EXPH5: variants seen among roughly 807,000 people sequenced by gnomAD.
The protein encoded by EXPH5 is exophilin 5, also known as exophilin-5.
Under a neutral mutation model 41.1 loss-of-function variants are expected in EXPH5, and 42 were observed. That is an observed-to-expected ratio of 1.02 (90% confidence interval 0.80 to 1.32). EXPH5 has a LOEUF of 1.32. EXPH5 is among the 40% of genes most tolerant of loss of function. The pLI is 0.00. For synonymous variants in EXPH5, 798 were observed against 833.5 expected (o/e 0.96, Z 0.73); for missense variants, 2,298 against 2,314.5 (o/e 0.99, Z 0.15).
intron 1 of EXPH5, among the ~76,000 whole-genome samples, chr11:108,580,109 A>G (rs1471407417): frequency 6.6e-6 from 1 of 152,226 alleles, no homozygotes; most frequent in East Asian, 1.9e-4. Context: ...ACAGAGTGAA[A>G]AGATAACCTG....
intron 1 of EXPH5, among the ~76,000 whole-genome samples, chr11:108,570,569 A>G (rs558285236): frequency 6.6e-6 from 1 of 152,196 alleles, no homozygotes; most frequent in African/African-American, 2.4e-5. Context: ...TTTAAGAGAT[A>G]AGATCTCACT....
At chr11:108,583,678 A>C (rs929393415) in intron 1 of EXPH5, among the ~76,000 whole-genome samples, 2 of 151,506 alleles carry the variant, frequency 1.3e-5, no homozygotes, top group African/African-American at 4.9e-5. Flanking sequence ...TTAACAAAAA[A>C]ATAAAAATAA....
chr11:108,594,607 C>T (rs988114596), upstream of EXPH5, among the ~76,000 whole-genome samples: 2 of 151,950 alleles, frequency 1.3e-5, no homozygotes, highest in African/African-American at 4.8e-5. Context: ...ATTATCAAGG[C>T]TTTTACAGAA....
At chr11:108,559,006 C>A (rs1018819316) in intron 1 of EXPH5, among the ~76,000 whole-genome samples, 4 of 152,142 alleles carry the variant, frequency 2.6e-5, no homozygotes, top group Admixed American at 6.5e-5. Flanking sequence ...CTAGCTCAGA[C>A]CCCCCTCACC....
rs1291956618 is a variant in EXPH5 at position 108,511,111 on chromosome 11, C to T, written c.4396G>A (p.Asp1466Asn). 1.1e-5 allele frequency: 17 copies of T among 1,613,912 alleles called. No homozygotes were observed. Among genetic ancestry groups the T allele is most frequent in the Non-Finnish European group, 1.4e-5 (17 of 1,179,952 alleles). Reference sequence around the variant, plus strand: ...TCACCTACAGCTGTGGATGTGTGATCTTTCTGGGGACACTTGCCACTTCCA... The same window carrying T: ...TCACCTACAGCTGTGGATGTGTGATTTTTCTGGGGACACTTGCCACTTCCA... ...FTGSGKCPQK[D>N]HTSTAVGDGS... is the part of the protein sequence containing the mutation. Residue 1466 changes from aspartate to asparagine, a missense_variant, in exon 6 of 6, where the codon GAT (aspartate) becomes AAT (asparagine). Transcript: ENST00000265843.
intron 1 of EXPH5, among the ~76,000 whole-genome samples, chr11:108,542,783 A>T (rs1172073269): frequency 6.6e-6 from 1 of 152,098 alleles, no homozygotes; most frequent in African/African-American, 2.4e-5. Flanking sequence ...CAGTGGTGTA[A>T]TCTTGGCTCA....
chr11:108,588,994 T>C (rs2094121093), intron 1 of EXPH5, among the ~76,000 whole-genome samples: 1 of 152,196 alleles, frequency 6.6e-6, no homozygotes, highest in South Asian at 2.1e-4. Context: ...GGTGTGTTAA[T>C]CTGGTACTTT....
At chr11:108,524,447 GC>G (rs2093785324) in intron 4 of EXPH5, among the ~76,000 whole-genome samples, 1 of 152,162 alleles carries the variant, frequency 6.6e-6, no homozygotes, top group African/African-American at 2.4e-5. Flanking sequence ...GATGCTGGTA[GC>G]CAAATGAGGT....
At chr11:108,594,909 T>A (rs2094136499), upstream of EXPH5, among the ~76,000 whole-genome samples, 1 of 152,252 alleles carries the variant, frequency 6.6e-6, no homozygotes, top group South Asian at 2.1e-4. Flanking sequence ...TTCAGATAAC[T>A]TTCTGTGGGT....
Position 108,512,403 on chromosome 11 carries a change from T to G in EXPH5, c.3104A>C (p.Gln1035Pro), listed in dbSNP as rs200473696. 4.2e-5 allele frequency: 68 copies of G among 1,610,062 alleles called. No homozygotes were observed. Among genetic ancestry groups the G allele is most frequent in the Non-Finnish European group, 5.3e-5 (62 of 1,178,694 alleles). Reference protein sequence around the residue: ...KSSSFLIHGRQSGSKIMAASL... With the variant: ...KSSSFLIHGRPSGSKIMAASL... ...AGCAGCCATTATTTTACTTCCTGAC[T>G]GCCTGCCATGTATGAGAAAACTGCT... Residue 1035 changes from glutamine to proline, a missense_variant, in exon 6 of 6, where the codon CAG becomes CCG. Transcript: ENST00000265843.
At chr11:108,584,086 T>G (rs1007717735) in intron 1 of EXPH5, among the ~76,000 whole-genome samples, 12 of 152,322 alleles carry the variant, frequency 7.9e-5, no homozygotes, top group African/African-American at 2.9e-4. Flanking sequence ...AGGAATGATA[T>G]AGACAAAATA....
chr11:108,550,201 T>A (rs1483712836), intron 1 of EXPH5, among the ~76,000 whole-genome samples: 2 of 152,202 alleles, frequency 1.3e-5, no homozygotes, highest in African/African-American at 4.8e-5. Context: ...TCAATGGATC[T>A]TATAGCTTCT....
intron 3 of EXPH5, chr11:108,537,982 T>C (rs2093890003): frequency 3.0e-6 from 3 of 985,446 alleles, no homozygotes; most frequent in African/African-American, 1.7e-5. Flanking sequence ...GAGTATTTCC[T>C]TGCTAGTGAC....
rs746972478 is a variant in EXPH5, at chr11:108,511,659, T to C, written c.3848A>G (p.Gln1283Arg). 3.7e-6 allele frequency: 6 copies of C among 1,605,754 alleles called. No homozygotes were observed. The African/African-American group carries it at 8.1e-5, about 22-fold the overall frequency. The change falls in exon 6 of 6, where the codon CAA (glutamine) becomes CGA (arginine). Residue 1283 changes from glutamine to arginine, a missense_variant. Coordinates refer to ENST00000265843, the MANE Select transcript of EXPH5 (RefSeq NM_015065.3). ...QNTNLLIESPQVETETFPNAL... is the reference protein window; with the variant it reads ...QNTNLLIESPRVETETFPNAL... ...GTTAGGAAATGTTTCAGTCTCCACTTGAGGTGATTCTATAAGTAAATTAGT... is the reference window on the plus strand; with the variant it reads ...GTTAGGAAATGTTTCAGTCTCCACTCGAGGTGATTCTATAAGTAAATTAGT...
chr11:108,535,470 G>C (rs989615944), intron 3 of EXPH5, among the ~76,000 whole-genome samples: 1 of 152,074 alleles, frequency 6.6e-6, no homozygotes, highest in African/African-American at 2.4e-5. Flanking sequence ...TGCAATCTAG[G>C]TGTCTTAGAT....
At chr11:108,580,646 GAATC>G (rs2094095247) in intron 1 of EXPH5, among the ~76,000 whole-genome samples, 1 of 152,148 alleles carries the variant, frequency 6.6e-6, no homozygotes, top group African/African-American at 2.4e-5. Context: ...CCTAGATATA[GAATC>G]AACCTAGGTA....
intron 1 of EXPH5, among the ~76,000 whole-genome samples, chr11:108,570,558 T>C (rs1251674587): frequency 1.3e-5 from 2 of 152,176 alleles, no homozygotes; most frequent in Non-Finnish European, 2.9e-5. Flanking sequence ...CCTAGCTTAT[T>C]TTTAAGAGAT....
chr11:108,515,552 T>C (rs1281051871), intron 5 of EXPH5, among the ~76,000 whole-genome samples: 1 of 148,106 alleles, frequency 6.8e-6, no homozygotes, highest in Non-Finnish European at 1.5e-5. Flanking sequence ...CAGCACTTTC[T>C]ATGTGTCAGG....
At chr11:108,549,304 A>C (rs17108175) in intron 1 of EXPH5, among the ~76,000 whole-genome samples, 2,709 of 152,346 alleles carry the variant, frequency 0.018, 78 homozygotes, top group South Asian at 0.065. Context: ...TCCTTTCTTC[A>C]TTCACATGAA....
Sources: allele counts gnomAD v4.1 joint callset (sites outside exome capture counted in the v4.1 genomes callset), GRCh38; gene constraint gnomAD v4.1.1; transcripts MANE v1.5; gene names NCBI Gene and HGNC (gene_info 2026-07-23, HGNC 2026-07-21).